Variants in MOGAT2 observed in about 807,000 individuals in gnomAD.
The protein encoded by MOGAT2 is 2-acylglycerol O-acyltransferase 2.
Under a neutral mutation model 31.5 loss-of-function variants are expected in MOGAT2, and 27 were observed. The observed-to-expected ratio is 0.86, with a 90% CI of 0.63 to 1.18. MOGAT2 has a LOEUF of 1.18. MOGAT2 is among the 50% of genes most tolerant of loss of function. The pLI, the probability that MOGAT2 is intolerant of heterozygous loss-of-function variation, is 0.00. For synonymous variants in MOGAT2, 163 were observed against 170.0 expected (o/e 0.96, Z 0.32); for missense variants, 436 against 433.2 (o/e 1.01, Z -0.06).
chr11:75,726,068 C>G (rs1944419039), intron 2 of MOGAT2, among the ~76,000 whole-genome samples: 1 of 152,194 alleles, frequency 6.6e-6, no homozygotes, highest in South Asian at 2.1e-4. Flanking sequence ...GCATTTCTTC[C>G]CCTTTCACCT....
At position 75,732,584 on chromosome 11, in the gene MOGAT2, C is replaced by T. The variant is rs75041773; in HGVS notation, c.*1298C>T. 0.013 allele frequency: 1,990 copies of T among 152,436 alleles called. 23 individuals are homozygous for T. Among genetic ancestry groups the T allele is most frequent in the Non-Finnish European group, 0.02 (1,330 of 68,104 alleles). 9.4% of individuals were successfully genotyped at this position (152,436 alleles called of 1,614,324 possible). ...CCTCCCTTACTCCGTGCTCCCATCA[C>T]TCGGAACCATTTGCATTTCTTTGTC... On this transcript the variant is annotated 3_prime_UTR_variant, in exon 6 of 6. Transcript: ENST00000198801.
Position 75,731,412 on chromosome 11 carries a change from A to C in MOGAT2, c.*126A>C. On this transcript the variant is annotated 3_prime_UTR_variant, in exon 6 of 6. Transcript: ENST00000198801. ...GACTCCTGCAAATCCAACCCATATC[A>C]GGCTGTAAGTCAGAGCAGGCAATGC... is the stretch of plus-strand genomic sequence containing the variant. 8.8e-7 allele frequency: 1 copy of C among 1,140,028 alleles called. No homozygotes were observed. Among genetic ancestry groups the C allele is most frequent in the Non-Finnish European group, 1.2e-6 (1 of 818,364 alleles). The allele number at this position is 1,140,028 out of a possible 1,614,324, so 70.6% of individuals were successfully genotyped here. A position where few individuals can be genotyped will look rare whatever the true frequency, so the allele number is the denominator to read the frequency against.
rs1341404478 is a variant in MOGAT2, at chr11:75,727,409, G to T, written c.271-26G>T. 6 of 1,605,794 alleles carry T rather than the reference G, an allele frequency of 3.7e-6. No individual in the cohort carries two copies. In the South Asian group the frequency reaches 6.6e-5, roughly 18 times the overall value. On this transcript the variant is annotated intron_variant, in intron 2 of 5. Transcript: ENST00000198801. ...AGGGCTGGTACACAGGCCCCGCCCT[G>T]GCTCAGCAGGTTGCCGTCCCTGCAG... is the stretch of plus-strand genomic sequence containing the variant.
chr11:75,721,170 A>G (rs754570138), intron 2 of MOGAT2, among the ~76,000 whole-genome samples: 16 of 152,198 alleles, frequency 1.1e-4, no homozygotes, highest in Non-Finnish European at 1.8e-4. Context: ...GTATGATCGT[A>G]GGTAAGTTGG....
chr11:75,724,527 C>T (rs769468268), intron 2 of MOGAT2, among the ~76,000 whole-genome samples: 33 of 152,110 alleles, frequency 2.2e-4, no homozygotes, highest in East Asian at 7.7e-4. Flanking sequence ...AGTTCATGCT[C>T]GGTGGGCGCT....
intron 2 of MOGAT2, among the ~76,000 whole-genome samples, chr11:75,723,995 C>A (rs1477938238): frequency 6.6e-6 from 1 of 152,200 alleles, no homozygotes; most frequent in East Asian, 1.9e-4. Context: ...CCCCCTTGAA[C>A]CCTGTAGCAA....
intron 1 of MOGAT2, chr11:75,719,763 C>T (rs1385673456): frequency 3.8e-6 from 2 of 523,248 alleles, no homozygotes; most frequent in Non-Finnish European, 3.4e-6. Flanking sequence ...GGAGTTAGGC[C>T]TACCTAGGCT....
intron 2 of MOGAT2, among the ~76,000 whole-genome samples, chr11:75,723,204 G>A (rs1944392463): frequency 6.6e-6 from 1 of 151,998 alleles, no homozygotes; most frequent in Admixed American, 6.6e-5. Context: ...GCCCACCTTA[G>A]CCTCCCAAAG....
In MOGAT2 at chr11:75,720,114, C is replaced by G; in HGVS notation, c.214C>G (p.Gln72Glu). The G allele has an allele frequency of 6.2e-7, 1 of 1,614,182 alleles. No homozygotes were observed. ...DKPRQGGRHIQAIRCWTIWKY... is the reference protein window; with the variant it reads ...DKPRQGGRHIEAIRCWTIWKY... The stretch of plus-strand genomic sequence containing the variant: ...GCCACGGCAGGGGGGCCGGCACATC[C>G]AGGCCATCAGGTGCTGGACTATATG... Residue 72 changes from glutamine to glutamate, a missense_variant, in exon 2 of 6, where the codon CAG becomes GAG. Physicochemically the swap from Gln to Glu is conservative, Grantham distance 29. Transcript: ENST00000198801.
intron 5 of MOGAT2, 24 bp from the exon 6 acceptor site, chr11:75,731,108 A>T: frequency 6.2e-7 from 1 of 1,609,936 alleles, no homozygotes; most frequent in Non-Finnish European, 8.5e-7. Context: ...ACCCTAGGCC[A>T]CTGCACACCT....
chr11:75,726,600 A>G, intron 2 of MOGAT2, among the ~76,000 whole-genome samples: 1 of 151,910 alleles, frequency 6.6e-6, no homozygotes, highest in East Asian at 1.9e-4. Context: ...AAAAGTCTGT[A>G]TATATTCACT....
At chr11:75,719,889 C>T (rs1056883116) in intron 1 of MOGAT2, 103 bp from the exon 2 acceptor site, 3 of 1,163,146 alleles carry the variant, frequency 2.6e-6, no homozygotes, top group Non-Finnish European at 3.7e-6. Context: ...TTGGACAGGA[C>T]AGTGCTGCTA....
rs551366609 is a variant in MOGAT2 at position 75,729,044 on chromosome 11, G to A, written c.850+55G>A. 10 of 1,557,120 alleles carry A rather than the reference G, an allele frequency of 6.4e-6. No individual in the cohort carries two copies. In the African/African-American group the frequency reaches 1.1e-4, roughly 17 times the overall value. On this transcript the variant is annotated intron_variant, in intron 5 of 5. Transcript: ENST00000198801. ...AGGCCAAAGGGACAGGGCAGGTTGT[G>A]TGCTGCAAGGGGACATGGAGATGAG...
In MOGAT2 at chr11:75,731,146, G is replaced by A. The variant is rs779015348; in HGVS notation, c.865G>A (p.Glu289Lys). 9 of 1,613,926 alleles carry A rather than the reference G, an allele frequency of 5.6e-6. No homozygotes were observed. Among genetic ancestry groups the A allele is most frequent in the Middle Eastern group, 1.7e-4 (1 of 6,000 alleles). Reference protein sequence around the residue: ...PITTVVGKPIEVQKTLHPSEE... With the variant: ...PITTVVGKPIKVQKTLHPSEE... ...ATGCCTTGCAGTGGGGAAGCCCATC[G>A]AGGTACAGAAGACGCTGCATCCCTC... Residue 289 changes from glutamate to lysine, a missense_variant, in exon 6 of 6, where the codon GAG becomes AAG. Transcript: ENST00000198801.
intron 1 of MOGAT2, 49 bp from the exon 2 acceptor site, chr11:75,719,943 G>T: frequency 6.3e-7 from 1 of 1,583,880 alleles, no homozygotes. Flanking sequence ...AATCTCACCT[G>T]CCTTCCTCTC....
intron 5 of MOGAT2, among the ~76,000 whole-genome samples, chr11:75,730,016 A>T (rs571182271): frequency 3.3e-5 from 5 of 152,196 alleles, no homozygotes; most frequent in Non-Finnish European, 7.3e-5. Context: ...AAGCACTGGG[A>T]TTACAGGCAT....
chr11:75,728,012 A>G lies in MOGAT2; in HGVS notation c.518A>G (p.Asn173Ser). 6.2e-7 allele frequency: 1 copy of G among 1,613,870 alleles called. No homozygotes were observed. The part of the protein sequence containing the change: ...SEKESAAHIL[N>S]RKGGGNLLGI... ...AAGGAGAGTGCTGCTCACATTCTGA[A>G]CAGGAAGGGTGGCGGAAACTTGCTG... The change falls in exon 4 of 6, where the codon AAC becomes AGC. Residue 173 changes from asparagine to serine, a missense_variant. Asn to Ser is a conservative substitution (Grantham distance 46). Coordinates refer to ENST00000198801, the MANE Select transcript of MOGAT2 (RefSeq NM_025098.4).
chr11:75,728,281 T>C (rs560278469), intron 4 of MOGAT2, 137 bp downstream of exon 4: 1 of 1,095,770 alleles, frequency 9.1e-7, no homozygotes, highest in South Asian at 1.3e-5. Flanking sequence ...TAAGATTATA[T>C]TTTGGTGTCT....
rs1320273174 is a variant in MOGAT2 at position 75,728,855 on chromosome 11, C to T, written c.716C>T (p.Ser239Phe). The T allele has an allele frequency of 1.2e-6, 2 of 1,614,114 alleles. No individual in the cohort carries two copies. The highest frequency in any genetic ancestry group is 1.7e-5 in the Admixed American group (1 of 60,012). Reference sequence around the variant, plus strand: ...CTATTTGACCAGATTCCCAACTCTTCTGGCTCCTGGTTACGCTATATCCAG... The same window carrying T: ...CTATTTGACCAGATTCCCAACTCTTTTGGCTCCTGGTTACGCTATATCCAG... ...NDLFDQIPNS[S>F]GSWLRYIQNR... The change falls in exon 5 of 6, where the codon TCT (serine) becomes TTT (phenylalanine). Residue 239 changes from serine (S) to phenylalanine (F), a missense_variant. Transcript: ENST00000198801.
Sources: gnomAD v4.1 joint callset for allele counts (sites outside exome capture counted in the v4.1 genomes callset) on GRCh38, gnomAD v4.1.1 for gene constraint, MANE v1.5 for transcripts, NCBI Gene and HGNC (gene_info 2026-07-23, HGNC 2026-07-21) for gene names.